The following MRTFB variants were observed in gnomAD, a reference collection of about 807,000 sequenced individuals.
MRTFB encodes the protein myocardin-related transcription factor B.
A neutral mutation model predicts 104.2 loss-of-function variants in MRTFB; 29 were observed. The observed-to-expected ratio is 0.28, with a 90% CI of 0.21 to 0.38. The LOEUF is 0.38. Ranked by LOEUF, MRTFB falls within the 10% of genes least tolerant of loss-of-function variation. MRTFB has a pLI of 1.00. For synonymous variants in MRTFB, 535 were observed against 519.5 expected (o/e 1.03, Z -0.41); for missense variants, 1,270 against 1,341.6 (o/e 0.95, Z 0.83).
the MRTFB span, among the ~76,000 whole-genome samples, chr16:14,045,719 G>T: frequency 6.6e-6 from 1 of 152,182 alleles, no homozygotes; most frequent in Non-Finnish European, 1.5e-5. Context: ...AAATGGAAAT[G>T]ACATTAACCT....
chr16:14,141,070 A>G (rs901021503), intron 3 of MRTFB: 2 of 264,104 alleles, frequency 7.6e-6, no homozygotes, highest in Admixed American at 9.6e-5. Flanking sequence ...TCCTGTGCTG[A>G]TGCCGGGGAA....
chr16:14,104,749 G>T (rs1211474586), intron 2 of MRTFB, among the ~76,000 whole-genome samples: 1 of 152,104 alleles, frequency 6.6e-6, no homozygotes, highest in East Asian at 1.9e-4. Flanking sequence ...TTTCCTTTAG[G>T]ATTTACTTAA....
intron 3 of MRTFB, among the ~76,000 whole-genome samples, chr16:14,169,138 G>A (rs555086177): frequency 6.6e-6 from 1 of 151,928 alleles, no homozygotes; most frequent in Non-Finnish European, 1.5e-5. Flanking sequence ...AACATGCTTT[G>A]TTTTATCTCG....
At position 14,264,362 on chromosome 16, in the gene MRTFB, T is replaced by A. The variant is rs983500136; in HGVS notation, c.*2918T>A. On this transcript the variant is annotated 3_prime_UTR_variant, in exon 17 of 17. Transcript: ENST00000571589. ...GGGGGTGGGATGAATTTAAAAGTTA[T>A]ACCAAAATTTCTGTAAAGTCTTTGA... 44 of 152,200 alleles carry A rather than the reference T, an allele frequency of 2.9e-4. No individual in the cohort carries two copies. Among genetic ancestry groups the A allele is most frequent in the African/African-American group, 1.0e-3 (42 of 41,442 alleles). The allele number at this position is 152,200 out of a possible 1,614,324, so 9.4% of individuals were successfully genotyped here. A position where few individuals can be genotyped will look rare whatever the true frequency, so the allele number is the denominator to read the frequency against.
chr16:14,115,900 G>T (rs2036519601), intron 2 of MRTFB, among the ~76,000 whole-genome samples: 2 of 152,192 alleles, frequency 1.3e-5, no homozygotes, highest in South Asian at 4.2e-4. Context: ...TCCATGCTCT[G>T]GGCCACCATT....
intron 8 of MRTFB, among the ~76,000 whole-genome samples, chr16:14,230,575 A>C (rs1039635625): frequency 1.7e-4 from 26 of 152,246 alleles, no homozygotes; most frequent in Middle Eastern, 3.4e-3. Context: ...AATCAAAACC[A>C]CAATGAGATA....
intron 8 of MRTFB, among the ~76,000 whole-genome samples, chr16:14,225,930 A>G (rs1466346057): frequency 6.6e-6 from 1 of 152,196 alleles, no homozygotes; most frequent in Non-Finnish European, 1.5e-5. Context: ...GGCATTGTGT[A>G]AAGACCTTAC....
At chr16:14,098,301 G>A (rs1435455063) in intron 2 of MRTFB, among the ~76,000 whole-genome samples, 4 of 152,256 alleles carry the variant, frequency 2.6e-5, no homozygotes, top group South Asian at 2.1e-4. Flanking sequence ...GTAGCTCATC[G>A]TGGTTTTAAT....
chr16:14,009,261 C>G, the MRTFB span: 13 of 152,034 alleles, frequency 8.6e-5, no homozygotes, highest in Admixed American at 6.5e-4. Context: ...TATTTTTTAT[C>G]CTTTTTGATG....
At position 14,216,168 on chromosome 16, in the gene MRTFB, G is replaced by T. The variant is rs547547657; in HGVS notation, c.353-958G>T. Among the ~76,000 whole-genome samples, 30 of 152,328 alleles carry T rather than the reference G, an allele frequency of 2.0e-4. No homozygotes were observed. The South Asian group carries it at 2.9e-3, about 15-fold the overall frequency. On this transcript the variant is annotated intron_variant, in intron 6 of 16. Transcript: ENST00000571589. Reference sequence around the variant, plus strand: ...AGAAGCTACACAGATGTGCTGCAGGGTAACCTCCTAGCCATGTGCTTTCAG... The same window carrying T: ...AGAAGCTACACAGATGTGCTGCAGGTTAACCTCCTAGCCATGTGCTTTCAG...
At chr16:14,238,280 CAGA>C (rs994937293) in intron 9 of MRTFB, among the ~76,000 whole-genome samples, 1 of 151,954 alleles carries the variant, frequency 6.6e-6, no homozygotes. Context: ...TGTCGAGAGG[CAGA>C]AGGAGACAGA....
At chr16:14,008,739 A>G in the MRTFB span, among the ~76,000 whole-genome samples, 2 of 152,144 alleles carry the variant, frequency 1.3e-5, no homozygotes, top group African/African-American at 2.4e-5. Context: ...TTTTGAAAGG[A>G]TGGCATTGAA....
At position 14,218,926 on chromosome 16, in the gene MRTFB, G is replaced by A; in HGVS notation, c.621G>A (p.Gly207=). The A allele has an allele frequency of 6.2e-7, 1 of 1,614,094 alleles. No individual in the cohort carries two copies. Among genetic ancestry groups the A allele is most frequent in the Non-Finnish European group, 8.5e-7 (1 of 1,180,006 alleles). The part of the protein sequence containing the change: ...PDQPASQESQ[G]SAASPSEPKV... ...AGCCTGCGAGTCAGGAGTCACAGGGGTCAGCCGCGTCCCCAAGTGAGCCAA... is the reference window on the plus strand; with the variant it reads ...AGCCTGCGAGTCAGGAGTCACAGGGATCAGCCGCGTCCCCAAGTGAGCCAA... The change falls in exon 8 of 17, where the codon GGG becomes GGA. Residue 207 remains glycine, a synonymous_variant. Coordinates refer to ENST00000571589, the MANE Select transcript of MRTFB (RefSeq NM_001308142.2).
chr16:14,055,927 T>C, the MRTFB span, among the ~76,000 whole-genome samples: 1 of 152,208 alleles, frequency 6.6e-6, no homozygotes, highest in Non-Finnish European at 1.5e-5. Context: ...ACTGTGGTGT[T>C]CTAATGGTGA....
the MRTFB span, among the ~76,000 whole-genome samples, chr16:14,051,717 C>A: frequency 6.6e-6 from 1 of 152,166 alleles, no homozygotes; most frequent in African/African-American, 2.4e-5. Context: ...CCAGGTCTGC[C>A]TATGTGGCAG....
the MRTFB span, among the ~76,000 whole-genome samples, chr16:14,021,390 C>G: frequency 1.2e-4 from 18 of 152,322 alleles, no homozygotes; most frequent in African/African-American, 4.1e-4. Flanking sequence ...GGACAAATCC[C>G]TCTCATGCTT....
intron 3 of MRTFB, among the ~76,000 whole-genome samples, chr16:14,187,729 T>C (rs2040008476): frequency 1.3e-5 from 2 of 152,222 alleles, no homozygotes; most frequent in Non-Finnish European, 2.9e-5. Flanking sequence ...TACAGAAGCA[T>C]GGCAAGACTG....
At chr16:14,200,753 T>C in intron 3 of MRTFB, 1 of 1,479,814 alleles carries the variant, frequency 6.8e-7, no homozygotes, top group Non-Finnish European at 9.4e-7. Flanking sequence ...ACTTGTTGCC[T>C]GTCCAGTGCT....
At chr16:14,184,734 A>G (rs1251507224) in intron 3 of MRTFB, among the ~76,000 whole-genome samples, 2 of 152,316 alleles carry the variant, frequency 1.3e-5, no homozygotes, top group Admixed American at 6.5e-5. Flanking sequence ...CATCAAAGTC[A>G]TGGCTTCTGC....
Sources: allele counts gnomAD v4.1 joint callset (sites outside exome capture counted in the v4.1 genomes callset), GRCh38; gene constraint gnomAD v4.1.1; transcripts MANE v1.5; gene names NCBI Gene and HGNC (gene_info 2026-07-23, HGNC 2026-07-21).